The following B3GLCT variants were observed in gnomAD, a reference collection of about 807,000 sequenced individuals.
B3GLCT encodes the protein beta 3-glucosyltransferase, also known as beta-1,3-glucosyltransferase.
Under a neutral mutation model 63.4 loss-of-function variants are expected in B3GLCT, and 65 were observed. That is an observed-to-expected ratio of 1.03 (90% CI 0.84 to 1.26). The LOEUF (loss-of-function observed/expected upper bound fraction) is 1.26. Among genes scored for constraint, B3GLCT ranks in the 50% most tolerant of loss-of-function variants. B3GLCT has a pLI of 0.00. For missense variants in B3GLCT, 577 were observed against 604.8 expected (o/e 0.95, Z 0.48); for synonymous variants, 233 against 219.2 (o/e 1.06, Z -0.55).
intron 6 of B3GLCT, among the ~76,000 whole-genome samples, chr13:31,257,752 T>C (rs1593278526): frequency 1.3e-5 from 2 of 152,082 alleles, no homozygotes; most frequent in Non-Finnish European, 2.9e-5. Flanking sequence ...TATACAAAAC[T>C]TTTAGAACTT....
At chr13:31,223,704 T>C (rs187232296) in intron 3 of B3GLCT, among the ~76,000 whole-genome samples, 1 of 152,040 alleles carries the variant, frequency 6.6e-6, no homozygotes, top group East Asian at 1.9e-4. Flanking sequence ...CCTTGAAGGG[T>C]GTGAATTTTG....
At chr13:31,244,267 G>A (rs1175196570) in intron 4 of B3GLCT, among the ~76,000 whole-genome samples, 1 of 152,140 alleles carries the variant, frequency 6.6e-6, no homozygotes, top group Non-Finnish European at 1.5e-5. Flanking sequence ...CGAGGCGGGT[G>A]GATCACCTGA....
At chr13:31,203,468 C>T (rs1995967) in intron 1 of B3GLCT, among the ~76,000 whole-genome samples, 139,730 of 152,156 alleles carry the variant, frequency 0.92, 64,547 homozygotes, top group East Asian at 0.98. Flanking sequence ...GAAGGAGGTG[C>T]TTTGACCCCT....
At chr13:31,273,890 T>C (rs1459230421) in intron 8 of B3GLCT, among the ~76,000 whole-genome samples, 1 of 152,208 alleles carries the variant, frequency 6.6e-6, no homozygotes, top group Non-Finnish European at 1.5e-5. Flanking sequence ...GTCCTAGCTT[T>C]ATGTAGGGGG....
intron 12 of B3GLCT, among the ~76,000 whole-genome samples, chr13:31,289,647 T>G (rs1030001138): frequency 1.3e-5 from 2 of 152,124 alleles, no homozygotes; most frequent in Admixed American, 1.3e-4. Context: ...AGCCAAGAAT[T>G]TTATATCCTG....
At position 31,289,536 on chromosome 13, in the gene B3GLCT, T is replaced by C. The variant is rs187555248; in HGVS notation, c.1064+2717T>C. ...GCAAGAGCAAAAGCATCAAGTCATG[T>C]ATAAAGGACTAATAGTGGACTTTTC... On this transcript the variant is annotated intron_variant, in intron 12 of 14. Coordinates refer to ENST00000343307, the MANE Select transcript of B3GLCT (RefSeq NM_194318.4). Among the ~76,000 whole-genome samples, 9 of 152,294 alleles carry C rather than the reference T, an allele frequency of 5.9e-5. No individual in the cohort carries two copies. In the East Asian group the frequency reaches 1.7e-3, roughly 29 times the overall value.
At chr13:31,210,832 A>T (rs1869218066) in intron 1 of B3GLCT, among the ~76,000 whole-genome samples, 2 of 152,054 alleles carry the variant, frequency 1.3e-5, no homozygotes, top group African/African-American at 4.8e-5. Flanking sequence ...GCAGCCTGGA[A>T]CTTTTGGATA....
At chr13:31,201,764 G>T (rs1049056997) in intron 1 of B3GLCT, among the ~76,000 whole-genome samples, 8 of 152,200 alleles carry the variant, frequency 5.3e-5, no homozygotes, top group East Asian at 1.9e-4. Flanking sequence ...ACCCCCAGGG[G>T]AATATTTGCA....
intron 6 of B3GLCT, among the ~76,000 whole-genome samples, chr13:31,249,428 T>C (rs1871329423): frequency 6.6e-6 from 1 of 152,232 alleles, no homozygotes; most frequent in African/African-American, 2.4e-5. Flanking sequence ...CTTTCTGCCA[T>C]GTTTTATGCA....
intron 12 of B3GLCT, among the ~76,000 whole-genome samples, chr13:31,298,007 A>G (rs1381305702): frequency 6.6e-6 from 1 of 152,194 alleles, no homozygotes; most frequent in East Asian, 1.9e-4. Context: ...AGGCTTCATT[A>G]TATAGCCACG....
At chr13:31,286,631 A>G (rs1275408848) in intron 11 of B3GLCT, 89 bp from the exon 12 acceptor site, 6 of 952,780 alleles carry the variant, frequency 6.3e-6, no homozygotes, top group Non-Finnish European at 8.1e-6. Context: ...GTAAGCTCTT[A>G]GAACACTTCA....
At chr13:31,240,070 GA>G (rs1432024025) in intron 4 of B3GLCT, among the ~76,000 whole-genome samples, 2 of 152,146 alleles carry the variant, frequency 1.3e-5, no homozygotes, top group African/African-American at 4.8e-5. Context: ...CAGGAGCTGA[GA>G]AATAGGCAGA....
intron 8 of B3GLCT, among the ~76,000 whole-genome samples, chr13:31,269,961 C>T (rs887059439): frequency 1.1e-4 from 16 of 152,146 alleles, no homozygotes; most frequent in African/African-American, 3.9e-4. Flanking sequence ...CTGTTGGAGC[C>T]TGAACAGACT....
intron 10 of B3GLCT, among the ~76,000 whole-genome samples, chr13:31,278,088 G>A (rs9543387): frequency 0.44 from 67,168 of 151,916 alleles, 18,336 homozygotes; most frequent in Middle Eastern, 0.61. Flanking sequence ...ACAGCAAGCA[G>A]GAACTGTTTG....
intron 4 of B3GLCT, among the ~76,000 whole-genome samples, chr13:31,230,405 C>G (rs1247911240): frequency 1.3e-5 from 2 of 152,160 alleles, no homozygotes; most frequent in African/African-American, 4.8e-5. Context: ...TGACAAGAGA[C>G]ATATGTGCGT....
chr13:31,245,882 T>G (rs905260411), intron 4 of B3GLCT, among the ~76,000 whole-genome samples: 11 of 152,164 alleles, frequency 7.2e-5, no homozygotes, highest in Admixed American at 3.9e-4. Flanking sequence ...TAATTCAGCC[T>G]TAAGGTTTGC....
intron 4 of B3GLCT, among the ~76,000 whole-genome samples, chr13:31,237,030 G>T (rs935615931): frequency 2.0e-5 from 3 of 151,886 alleles, no homozygotes; most frequent in African/African-American, 7.3e-5. Flanking sequence ...GGAGGCAGAG[G>T]CAGGAGAGTT....
At chr13:31,327,484 G>C (rs186050480) in intron 14 of B3GLCT, among the ~76,000 whole-genome samples, 20 of 152,340 alleles carry the variant, frequency 1.3e-4, no homozygotes, top group Admixed American at 1.2e-3. Context: ...CTTAGGAATT[G>C]TGTATTTCTG....
chr13:31,210,577 T>G (rs1475879429), intron 1 of B3GLCT, among the ~76,000 whole-genome samples: 1 of 152,200 alleles, frequency 6.6e-6, no homozygotes. Context: ...CTTACCTCCC[T>G]TGCTAATTTT....
Sources: allele counts gnomAD v4.1 joint callset (sites outside exome capture counted in the v4.1 genomes callset), GRCh38; gene constraint gnomAD v4.1.1; transcripts MANE v1.5; gene names NCBI Gene and HGNC (gene_info 2026-07-23, HGNC 2026-07-21).